PLPP1: variants seen among roughly 807,000 people sequenced by gnomAD.
PLPP1 encodes the protein phospholipid phosphatase 1.
PLPP1 carries 24 observed loss-of-function variants against 31.2 expected under a neutral mutation model. The observed-to-expected ratio is 0.77, with a 90% CI of 0.56 to 1.08. The LOEUF (loss-of-function observed/expected upper bound fraction) is 1.08, where lower values mean the gene tolerates loss of function less well. PLPP1 is among the 50% of genes least tolerant of loss of function. The pLI is 0.00. For synonymous variants in PLPP1, 146 were observed against 126.3 expected, an observed-to-expected ratio of 1.16 and a Z score of -1.05; for missense variants, 319 against 342.7, an observed-to-expected ratio of 0.93 and a Z score of 0.55.
chr5:55,503,847 AG>A, intron 1 of PLPP1, among the ~76,000 whole-genome samples: 1 of 66,866 alleles, frequency 1.5e-5, no homozygotes, highest in Non-Finnish European at 2.8e-5. Context: ...AGGGGAGGGG[AG>A]AGAGGAGGGG....
intron 1 of PLPP1, among the ~76,000 whole-genome samples, chr5:55,496,185 G>C (rs1348681082): frequency 1.3e-5 from 2 of 151,446 alleles, no homozygotes; most frequent in African/African-American, 4.9e-5. Context: ...TAATTTTTTA[G>C]AGTAGTGATG....
chr5:55,458,887 C>CAAAAAAAAAAAAAA (rs529067608), intron 3 of PLPP1, among the ~76,000 whole-genome samples: 7 of 21,106 alleles, frequency 3.3e-4, no homozygotes, highest in East Asian at 1.2e-3. Context: ...ACCCTGTCTC[C>CAAAAAAAAAAAAAA]AAAAAAAAAA....
intron 1 of PLPP1, among the ~76,000 whole-genome samples, chr5:55,497,279 T>C (rs892559615): frequency 6.6e-6 from 1 of 152,164 alleles, no homozygotes; most frequent in Non-Finnish European, 1.5e-5. Context: ...TGGGTCTTAC[T>C]CTGTCACCTA....
intron 3 of PLPP1, among the ~76,000 whole-genome samples, chr5:55,467,663 C>A (rs1408225138): frequency 5.3e-5 from 8 of 151,662 alleles, no homozygotes; most frequent in African/African-American, 1.7e-4. Flanking sequence ...AAAAAAAGAG[C>A]TGCAATAAAA....
chr5:55,496,655 A>G (rs1262420147), intron 1 of PLPP1, among the ~76,000 whole-genome samples: 1 of 152,232 alleles, frequency 6.6e-6, no homozygotes, highest in Non-Finnish European at 1.5e-5. Flanking sequence ...TATCAGGGCC[A>G]TGGGTGACAG....
At chr5:55,491,123 G>A in intron 1 of PLPP1, 1 of 1,603,892 alleles carries the variant, frequency 6.2e-7, no homozygotes, top group Non-Finnish European at 8.5e-7. Flanking sequence ...AGCTGTTGGG[G>A]AAGGGAAAAA....
intron 3 of PLPP1, among the ~76,000 whole-genome samples, chr5:55,460,727 TCCCAGCTAAGTAGGAGC>T (rs1422424005): frequency 6.6e-6 from 1 of 151,936 alleles, no homozygotes; most frequent in Non-Finnish European, 1.5e-5. Context: ...GCACCTGTAG[TCCCAGCTAAGTAGGAGC>T]CTCAGGCAGA....
intron 2 of PLPP1, among the ~76,000 whole-genome samples, chr5:55,470,330 C>T (rs1397188650): frequency 6.6e-6 from 1 of 152,234 alleles, no homozygotes; most frequent in East Asian, 1.9e-4. Context: ...GAAACTTCCA[C>T]ATCTCAGGTA....
chr5:55,464,586 C>G (rs1752244847), intron 3 of PLPP1, among the ~76,000 whole-genome samples: 1 of 152,060 alleles, frequency 6.6e-6, no homozygotes, highest in Admixed American at 6.6e-5. Flanking sequence ...CTCAAATGTC[C>G]ATCAATATTT....
intron 3 of PLPP1, among the ~76,000 whole-genome samples, chr5:55,461,539 A>C (rs1055755318): frequency 3.3e-5 from 5 of 152,102 alleles, no homozygotes; most frequent in African/African-American, 1.2e-4. Flanking sequence ...AACACAGAAA[A>C]AGCATGTCAC....
At chr5:55,450,691 C>G (rs1751872802) in intron 3 of PLPP1, among the ~76,000 whole-genome samples, 1 of 152,046 alleles carries the variant, frequency 6.6e-6, no homozygotes, top group African/African-American at 2.4e-5. Flanking sequence ...TGACCTCATA[C>G]AAAAATACTC....
intron 1 of PLPP1, among the ~76,000 whole-genome samples, chr5:55,516,942 C>A (rs377409725): frequency 6.6e-6 from 1 of 152,234 alleles, no homozygotes; most frequent in Non-Finnish European, 1.5e-5. Context: ...CAAATAGTAT[C>A]CATTTACATT....
intron 1 of PLPP1, among the ~76,000 whole-genome samples, chr5:55,494,838 T>G (rs1281938774): frequency 6.6e-6 from 1 of 151,954 alleles, no homozygotes; most frequent in Non-Finnish European, 1.5e-5. Context: ...AAAAATTTAT[T>G]GGCCAGGCGC....
intron 1 of PLPP1, among the ~76,000 whole-genome samples, chr5:55,533,048 C>A (rs1234906170): frequency 1.3e-5 from 2 of 151,636 alleles, no homozygotes; most frequent in African/African-American, 4.8e-5. Context: ...CAGGAAGTGT[C>A]TTGGGAAACA....
At position 55,490,409 on chromosome 5, in the gene PLPP1, C is replaced by A. The variant is rs556045256; in HGVS notation, c.59-14959G>T. 2.6e-5 allele frequency among the ~76,000 whole-genome samples: 4 copies of A among 152,204 alleles called. No individual in the cohort carries two copies. In the South Asian group the frequency reaches 8.3e-4, roughly 32 times the overall value. On this transcript the variant is annotated intron_variant, in intron 1 of 5. Coordinates refer to ENST00000307259, the MANE Select transcript of PLPP1 (RefSeq NM_003711.4). ...AGGTGATCAGCCCATCTCGGCCTCC[C>A]AAAGTGCTGGGATTACAGGTGTGAG...
intron 3 of PLPP1, among the ~76,000 whole-genome samples, chr5:55,455,398 C>G (rs1751984446): frequency 6.6e-6 from 1 of 152,060 alleles, no homozygotes; most frequent in South Asian, 2.1e-4. Context: ...TTAAGACCAA[C>G]CTGGGAAACA....
chr5:55,500,173 G>A (rs971292027), intron 1 of PLPP1, among the ~76,000 whole-genome samples: 17 of 149,814 alleles, frequency 1.1e-4, no homozygotes, highest in Admixed American at 6.7e-4. Context: ...TCCACTTCCC[G>A]GGTTCACACC....
chr5:55,462,104 G>A (rs1371036477), intron 3 of PLPP1, among the ~76,000 whole-genome samples: 2 of 152,102 alleles, frequency 1.3e-5, no homozygotes, highest in African/African-American at 4.8e-5. Context: ...ATACTAACAT[G>A]GCAATTCTTC....
chr5:55,532,199 G>A (rs1465957351), intron 1 of PLPP1, among the ~76,000 whole-genome samples: 1 of 152,086 alleles, frequency 6.6e-6, no homozygotes, highest in African/African-American at 2.4e-5. Context: ...AAATTGTACT[G>A]CATGTCAGTT....
Sources: allele counts gnomAD v4.1 joint callset (sites outside exome capture counted in the v4.1 genomes callset), GRCh38; gene constraint gnomAD v4.1.1; transcripts MANE v1.5; gene names NCBI Gene and HGNC (gene_info 2026-07-23, HGNC 2026-07-21).